Variants in ADGRB3 observed in about 807,000 individuals in gnomAD.
ADGRB3 encodes brain-specific angiogenesis inhibitor 3.
Under a neutral mutation model 193.4 loss-of-function variants are expected in ADGRB3, and 37 were observed. The ratio of observed to expected loss-of-function variants is 0.19; its 90% CI spans 0.15 to 0.25. The LOEUF (loss-of-function observed/expected upper bound fraction) is 0.25, where lower values mean the gene tolerates loss of function less well. Among genes scored for constraint, ADGRB3 ranks in the 10% least tolerant of loss-of-function variants. The pLI is 1.00. For synonymous variants in ADGRB3, 690 were observed against 644.2 expected (o/e 1.07, Z -1.08); for missense variants, 1,637 against 1,852.9 (o/e 0.88, Z 2.14).
chr6:68,727,385 T>G (rs1290173413), intron 3 of ADGRB3, among the ~76,000 whole-genome samples: 1 of 151,726 alleles, frequency 6.6e-6, no homozygotes, highest in East Asian at 1.9e-4. Flanking sequence ...AAGAAACATA[T>G]GTCATTGAAT....
chr6:68,735,121 AT>A (rs1328796230), intron 3 of ADGRB3, among the ~76,000 whole-genome samples: 1 of 151,944 alleles, frequency 6.6e-6, no homozygotes, highest in East Asian at 1.9e-4. Context: ...ATGTATTTTT[AT>A]TTTTTTACTT....
chr6:69,214,817 A>C (rs2127243245), intron 17 of ADGRB3, among the ~76,000 whole-genome samples: 1 of 152,056 alleles, frequency 6.6e-6, no homozygotes, highest in Non-Finnish European at 1.5e-5. Context: ...TAATTTTAAA[A>C]AGCTCAAATT....
chr6:68,800,059 G>A (rs1001023156), intron 3 of ADGRB3, among the ~76,000 whole-genome samples: 1 of 152,106 alleles, frequency 6.6e-6, no homozygotes, highest in Admixed American at 6.6e-5. Flanking sequence ...TGTGTAGTAG[G>A]TAAGAGTGTA....
intron 31 of ADGRB3, among the ~76,000 whole-genome samples, chr6:69,384,081 C>G (rs1328993812): frequency 1.3e-5 from 2 of 151,904 alleles, no homozygotes; most frequent in Non-Finnish European, 2.9e-5. Flanking sequence ...TTTTATTCCT[C>G]TCAGTACTAG....
intron 20 of ADGRB3, among the ~76,000 whole-genome samples, chr6:69,297,814 A>C (rs1377047692): frequency 6.6e-6 from 1 of 152,084 alleles, no homozygotes; most frequent in Non-Finnish European, 1.5e-5. Flanking sequence ...AAATACATTT[A>C]AAATTGATCT....
At position 69,388,861 on chromosome 6, in the gene ADGRB3, G is replaced by T. The variant is rs1770132823; in HGVS notation, c.4539G>T (p.Val1513=). 1.9e-6 allele frequency: 3 copies of T among 1,612,350 alleles called. No homozygotes were observed. Among genetic ancestry groups the T allele is most frequent in the Admixed American group, 1.7e-5 (1 of 59,676 alleles). The change falls in exon 32 of 32, where the codon GTG becomes GTT. Residue 1513 remains valine, a synonymous_variant. Coordinates refer to ENST00000370598, the MANE Select transcript of ADGRB3 (RefSeq NM_001704.3). ...WEKCLNLPLD[V]QEGDFQTEV ...AGTGTCTGAATTTGCCTCTGGATGT[G>T]CAAGAGGGTGACTTTCAAACAGAAG... is the stretch of plus-strand genomic sequence containing the variant.
intron 3 of ADGRB3, among the ~76,000 whole-genome samples, chr6:68,842,144 T>A (rs1274565577): frequency 6.6e-6 from 1 of 151,822 alleles, no homozygotes; most frequent in Admixed American, 6.6e-5. Flanking sequence ...ACTATATACA[T>A]CTACTAAGTA....
intron 16 of ADGRB3, among the ~76,000 whole-genome samples, chr6:69,072,487 A>C (rs573537743): frequency 4.6e-5 from 7 of 152,340 alleles, no homozygotes; most frequent in African/African-American, 1.7e-4. Flanking sequence ...GGGTGATAAA[A>C]AGGAAAGAAG....
chr6:69,017,870 A>G (rs1770141679), intron 12 of ADGRB3, among the ~76,000 whole-genome samples: 1 of 151,954 alleles, frequency 6.6e-6, no homozygotes, highest in Non-Finnish European at 1.5e-5. Flanking sequence ...TATTATTGTA[A>G]TCCTAAAATT....
At chr6:68,998,732 T>C in intron 11 of ADGRB3, among the ~76,000 whole-genome samples, 1 of 152,234 alleles carries the variant, frequency 6.6e-6, no homozygotes. Flanking sequence ...AAATAATTTA[T>C]GACATTATCA....
intron 20 of ADGRB3, among the ~76,000 whole-genome samples, chr6:69,279,083 A>G (rs1453493255): frequency 0.062 from 6,308 of 101,102 alleles, 527 homozygotes; most frequent in African/African-American, 0.14. Flanking sequence ...ATATATATAT[A>G]TATATATATA....
chr6:68,955,886 C>T (rs1291057762), intron 6 of ADGRB3, 138 bp from the exon 7 acceptor site: 2 of 707,618 alleles, frequency 2.8e-6, no homozygotes, highest in Non-Finnish European at 2.2e-6. Context: ...AAATCTCATG[C>T]TGGTGTGACC....
At chr6:69,022,568 C>A (rs1165984709) in intron 13 of ADGRB3, among the ~76,000 whole-genome samples, 3 of 151,838 alleles carry the variant, frequency 2.0e-5, no homozygotes, top group Non-Finnish European at 4.4e-5. Flanking sequence ...ACTCTAATTG[C>A]CAAATAAATC....
chr6:68,776,928 A>C (rs982441545), intron 3 of ADGRB3, among the ~76,000 whole-genome samples: 2 of 152,152 alleles, frequency 1.3e-5, no homozygotes, highest in African/African-American at 4.8e-5. Context: ...CTCTTTACAG[A>C]TCTTTAATTA....
rs536237813 is a variant in ADGRB3 at position 69,140,169 on chromosome 6, A to G, written c.2480+64131A>G. ...AAGATTAATAGCAATATACTAATTG[A>G]CAATATTATATTGGTAAGTTTACTC... is the stretch of plus-strand genomic sequence containing the variant. On this transcript the variant is annotated intron_variant, in intron 17 of 31. Transcript: ENST00000370598. Among the ~76,000 whole-genome samples the G allele has an allele frequency of 3.9e-5, 6 of 152,344 alleles. No homozygotes were observed. In the East Asian group the frequency reaches 9.6e-4, roughly 24 times the overall value.
At chr6:69,023,415 A>G (rs1187083596) in intron 13 of ADGRB3, among the ~76,000 whole-genome samples, 1 of 152,156 alleles carries the variant, frequency 6.6e-6, no homozygotes, top group Non-Finnish European at 1.5e-5. Flanking sequence ...GAATGGCTGG[A>G]TTATTGATAA....
intron 3 of ADGRB3, among the ~76,000 whole-genome samples, chr6:68,747,612 C>A (rs1766109749): frequency 6.6e-6 from 1 of 152,050 alleles, no homozygotes; most frequent in Non-Finnish European, 1.5e-5. Context: ...TCATTTCAGC[C>A]AATTGCATTT....
chr6:68,685,340 T>C (rs564730631), intron 3 of ADGRB3, among the ~76,000 whole-genome samples: 35 of 152,186 alleles, frequency 2.3e-4, no homozygotes, highest in Middle Eastern at 3.4e-3. Flanking sequence ...GAATTATATA[T>C]TTTTAAAACT....
intron 3 of ADGRB3, among the ~76,000 whole-genome samples, chr6:68,689,240 G>C (rs752715042): frequency 6.6e-5 from 10 of 152,086 alleles, no homozygotes; most frequent in Non-Finnish European, 1.2e-4. Flanking sequence ...GGCAGGGTTG[G>C]GGGAGGGTAG....
Sources: gnomAD v4.1 joint callset for allele counts (sites outside exome capture counted in the v4.1 genomes callset) on GRCh38, gnomAD v4.1.1 for gene constraint, MANE v1.5 for transcripts, NCBI Gene and HGNC (gene_info 2026-07-23, HGNC 2026-07-21) for gene names.